FAM222A: variants seen among roughly 807,000 people sequenced by gnomAD.
FAM222A encodes protein FAM222A.
A neutral mutation model predicts 25.8 loss-of-function variants in FAM222A; 7 were observed. The ratio of observed to expected loss-of-function variants is 0.27; its 90% CI spans 0.15 to 0.51. The LOEUF is 0.51. Among genes scored for constraint, FAM222A ranks in the 20% least tolerant of loss-of-function variants. The pLI, the probability that FAM222A is intolerant of heterozygous loss-of-function variation, is 0.97. For missense variants in FAM222A, 573 were observed against 640.5 expected (o/e 0.89, Z 1.14); for synonymous variants, 294 against 298.8 (o/e 0.98, Z 0.17).
chr12:109,723,279 C>T (rs1306884700), intron 1 of FAM222A, among the ~76,000 whole-genome samples: 1 of 152,184 alleles, frequency 6.6e-6, no homozygotes, highest in Admixed American at 6.5e-5. Context: ...GCCTTGATTT[C>T]CCTACCTGCG....
chr12:109,755,677 G>A (rs538348961), intron 2 of FAM222A, among the ~76,000 whole-genome samples: 34 of 152,264 alleles, frequency 2.2e-4, no homozygotes, highest in Admixed American at 6.5e-4. Flanking sequence ...GAAAGGATCC[G>A]ACTTCATTCT....
At chr12:109,760,475 A>C (rs1378951481) in intron 2 of FAM222A, among the ~76,000 whole-genome samples, 2 of 152,112 alleles carry the variant, frequency 1.3e-5, no homozygotes, top group Non-Finnish European at 2.9e-5. Flanking sequence ...CTGGCTCACA[A>C]ATCCTCTCTT....
Position 109,768,815 on chromosome 12 carries a change from C to T in FAM222A, c.886C>T (p.Pro296Ser). ...GTGGCCGCAGAAACCGCCCCCACCG[C>T]CGCCCCAGCCACTGCGTGCCTACAG... The part of the protein sequence containing the change: ...LLWPQKPPPP[P>S]PQPLRAYSGS... Residue 296 changes from proline to serine, a missense_variant, in exon 3 of 3, where the codon CCG (proline) becomes TCG (serine). Transcript: ENST00000538780. The T allele has an allele frequency of 6.4e-7, 1 of 1,572,884 alleles. No individual in the cohort carries two copies.
intron 2 of FAM222A, chr12:109,744,504 C>A (rs771251020): frequency 3.0e-6 from 3 of 985,434 alleles, no homozygotes; most frequent in Non-Finnish European, 3.6e-6. Flanking sequence ...GCCCCAACCC[C>A]GCCTCTGCAA....
chr12:109,732,084 G>A (rs534471124), intron 1 of FAM222A, among the ~76,000 whole-genome samples: 8 of 152,280 alleles, frequency 5.3e-5, no homozygotes, highest in South Asian at 2.1e-4. Flanking sequence ...GTTACTCGGT[G>A]GTTGAGAGTG....
At chr12:109,767,510 C>T (rs1295817403) in intron 2 of FAM222A, among the ~76,000 whole-genome samples, 1 of 152,256 alleles carries the variant, frequency 6.6e-6, no homozygotes, top group South Asian at 2.1e-4. Context: ...AGAACAGAAA[C>T]GATGAATAGA....
At position 109,770,444 on chromosome 12, in the gene FAM222A, T is replaced by C. The variant is rs1889212903; in HGVS notation, c.*1156T>C. The C allele has an allele frequency of 6.6e-6, 1 of 152,548 alleles. No individual in the cohort carries two copies. Among genetic ancestry groups the C allele is most frequent in the Non-Finnish European group, 1.5e-5 (1 of 68,052 alleles). 9.4% of individuals were successfully genotyped at this position (152,548 alleles called of 1,614,324 possible). On this transcript the variant is annotated 3_prime_UTR_variant, in exon 3 of 3. Transcript: ENST00000538780. The stretch of plus-strand genomic sequence containing the variant: ...TTATATTCTACTGTGAGAAGTGCAG[T>C]CTGCACTATATTGTTTTAAAAACGA...
At chr12:109,736,727 C>T (rs921680040) in intron 1 of FAM222A, among the ~76,000 whole-genome samples, 1 of 152,210 alleles carries the variant, frequency 6.6e-6, no homozygotes, top group African/African-American at 2.4e-5. Context: ...GGAGTGCTGA[C>T]GGAGGCACAT....
In FAM222A at chr12:109,744,143, A is replaced by T; in HGVS notation, c.-4A>T. On this transcript the variant is annotated 5_prime_UTR_variant, in exon 2 of 3. Coordinates refer to ENST00000538780, the MANE Select transcript of FAM222A (RefSeq NM_032829.3). ...GCACCCCACTGGGGACCCCCAGCTC[A>T]GCCATGCTGGCCTGTCTGCAGAGGA... 1 of 1,612,682 alleles carries T rather than the reference A, an allele frequency of 6.2e-7. No individual in the cohort carries two copies. Among genetic ancestry groups the T allele is most frequent in the South Asian group, 1.1e-5 (1 of 91,046 alleles).
intron 1 of FAM222A, chr12:109,720,154 G>A (rs1448599554): frequency 2.0e-6 from 2 of 985,332 alleles, no homozygotes; most frequent in African/African-American, 1.7e-5. Flanking sequence ...TGGCCCCACA[G>A]CAAGCCAGCA....
At chr12:109,725,669 C>T (rs189040985) in intron 1 of FAM222A, among the ~76,000 whole-genome samples, 1 of 151,986 alleles carries the variant, frequency 6.6e-6, no homozygotes, top group East Asian at 1.9e-4. Context: ...TAGTGATTAC[C>T]AGCTCCCATT....
At chr12:109,728,315 C>T (rs902556842) in intron 1 of FAM222A, among the ~76,000 whole-genome samples, 3 of 151,968 alleles carry the variant, frequency 2.0e-5, no homozygotes, top group South Asian at 2.1e-4. Flanking sequence ...GCTAAGGTGA[C>T]TCGTCAGGGG....
At chr12:109,727,667 G>T (rs1430415685) in intron 1 of FAM222A, among the ~76,000 whole-genome samples, 1 of 152,194 alleles carries the variant, frequency 6.6e-6, no homozygotes, top group Non-Finnish European at 1.5e-5. Context: ...TGGTCATGGG[G>T]TGGGGATGTG....
At chr12:109,735,565 C>A (rs1212081723) in intron 1 of FAM222A, 1 of 152,180 alleles carries the variant, frequency 6.6e-6, no homozygotes, top group Non-Finnish European at 1.5e-5. Flanking sequence ...ATACCGGGCC[C>A]CTCCCATCTC....
chr12:109,724,886 T>C (rs1887812743), intron 1 of FAM222A, among the ~76,000 whole-genome samples: 2 of 152,146 alleles, frequency 1.3e-5, no homozygotes, highest in African/African-American at 4.8e-5. Flanking sequence ...TTTGGAGGGC[T>C]TTCCGGAGAG....
chr12:109,748,988 G>A (rs924285435), intron 2 of FAM222A, among the ~76,000 whole-genome samples: 2 of 151,912 alleles, frequency 1.3e-5, no homozygotes, highest in African/African-American at 4.8e-5. Context: ...GAGCACTTCC[G>A]AGCTATATGT....
At chr12:109,728,720 T>C (rs190967010) in intron 1 of FAM222A, among the ~76,000 whole-genome samples, 26 of 152,308 alleles carry the variant, frequency 1.7e-4, no homozygotes, top group Non-Finnish European at 1.8e-4. Context: ...GTGTGGCACA[T>C]GGTAGGCGTT....
intron 1 of FAM222A, among the ~76,000 whole-genome samples, chr12:109,716,051 GT>G (rs1887638555): frequency 1.3e-5 from 2 of 152,240 alleles, no homozygotes; most frequent in South Asian, 4.1e-4. Context: ...TCCTTCTGGT[GT>G]TTAAGAGGAT....
At chr12:109,754,416 C>T (rs766927530) in intron 2 of FAM222A, among the ~76,000 whole-genome samples, 2 of 152,216 alleles carry the variant, frequency 1.3e-5, no homozygotes, top group Non-Finnish European at 2.9e-5. Flanking sequence ...ACTTTAGCAA[C>T]GTAAGATCAA....
Sources: gnomAD v4.1 joint callset for allele counts (sites outside exome capture counted in the v4.1 genomes callset) on GRCh38, gnomAD v4.1.1 for gene constraint, MANE v1.5 for transcripts, NCBI Gene and HGNC (gene_info 2026-07-23, HGNC 2026-07-21) for gene names.